The following CRADD variants were observed in gnomAD, a reference collection of about 807,000 sequenced individuals.
The protein encoded by CRADD is CARD and death domain containing adaptor protein, also known as death domain-containing protein CRADD.
A neutral mutation model predicts 15.5 loss-of-function variants in CRADD; 9 were observed. That is an observed-to-expected ratio of 0.58 (90% CI 0.35 to 1.01). The LOEUF (loss-of-function observed/expected upper bound fraction) is 1.01. Ranked by LOEUF, CRADD falls within the 50% of genes least tolerant of loss-of-function variation. The pLI is 0.02. For synonymous variants in CRADD, 118 were observed against 107.6 expected, an observed-to-expected ratio of 1.10 and a Z score of -0.60; for missense variants, 227 against 250.3, an observed-to-expected ratio of 0.91 and a Z score of 0.63.
chr12:93,698,121 G>T (rs756904874), intron 2 of CRADD, among the ~76,000 whole-genome samples: 4 of 152,170 alleles, frequency 2.6e-5, no homozygotes, highest in Admixed American at 6.5e-5. Context: ...CGGGAGAATT[G>T]TGGGAGCTGA....
At chr12:93,864,129 A>G (rs1295741192) in intron 2 of CRADD, among the ~76,000 whole-genome samples, 1 of 152,204 alleles carries the variant, frequency 6.6e-6, no homozygotes, top group Non-Finnish European at 1.5e-5. Flanking sequence ...GTCATAGCTT[A>G]CTATAGCCTC....
intron 2 of CRADD, chr12:93,709,063 A>G (rs1956010835): frequency 6.6e-6 from 1 of 152,264 alleles, no homozygotes. Flanking sequence ...AAAGTGGAGA[A>G]TAGATGATAT....
chr12:93,690,877 T>G (rs947713458), intron 2 of CRADD, among the ~76,000 whole-genome samples: 1 of 152,218 alleles, frequency 6.6e-6, no homozygotes, highest in African/African-American at 2.4e-5. Flanking sequence ...TTCTGACCCT[T>G]GCTTGCCTCA....
intron 2 of CRADD, among the ~76,000 whole-genome samples, chr12:93,863,323 C>T (rs892612845): frequency 6.6e-6 from 1 of 152,080 alleles, no homozygotes; most frequent in Non-Finnish European, 1.5e-5. Flanking sequence ...TCTGTCCCCA[C>T]GCTTGCCAGG....
At chr12:93,789,125 T>C (rs1957320833) in intron 2 of CRADD, among the ~76,000 whole-genome samples, 1 of 152,080 alleles carries the variant, frequency 6.6e-6, no homozygotes, top group Non-Finnish European at 1.5e-5. Flanking sequence ...TCCCACTTCC[T>C]ATGTTGACTG....
At chr12:93,813,256 A>G (rs974529122) in intron 2 of CRADD, among the ~76,000 whole-genome samples, 1 of 152,212 alleles carries the variant, frequency 6.6e-6, no homozygotes, top group Admixed American at 6.5e-5. Context: ...AAAACATCCA[A>G]ATTCAAAAAA....
At chr12:93,802,801 G>A (rs976050747) in intron 2 of CRADD, among the ~76,000 whole-genome samples, 2 of 152,176 alleles carry the variant, frequency 1.3e-5, no homozygotes, top group South Asian at 2.1e-4. Flanking sequence ...CTCAGTGTGA[G>A]CTCTGAATGC....
intron 2 of CRADD, among the ~76,000 whole-genome samples, chr12:93,884,704 C>T (rs1343498085): frequency 6.6e-6 from 1 of 152,184 alleles, no homozygotes; most frequent in Non-Finnish European, 1.5e-5. Flanking sequence ...TTCCTCTCCT[C>T]ACCCTTCTAT....
At chr12:93,816,654 CAT>C (rs1491587955) in intron 2 of CRADD, among the ~76,000 whole-genome samples, 18 of 152,296 alleles carry the variant, frequency 1.2e-4, no homozygotes, top group Admixed American at 9.2e-4. Flanking sequence ...AGTAGCCACA[CAT>C]GTCTAGTGGC....
chr12:93,702,550 G>T (rs1309858507), intron 2 of CRADD, among the ~76,000 whole-genome samples: 1 of 151,410 alleles, frequency 6.6e-6, no homozygotes, highest in African/African-American at 2.4e-5. Flanking sequence ...GAGGAACTGA[G>T]AATCCCAAAT....
chr12:93,751,038 A>G (rs140031606), intron 2 of CRADD, among the ~76,000 whole-genome samples: 241 of 152,344 alleles, frequency 1.6e-3, no homozygotes, highest in Non-Finnish European at 3.0e-3. Flanking sequence ...GCCTGTGTCT[A>G]CTATACTCTT....
exon 3 of CRADD, chr12:93,894,299 A>C (rs758084803): frequency 2.8e-4 from 166 of 603,082 alleles, no homozygotes; most frequent in Non-Finnish European, 3.3e-4. Context: ...TTATGTTGGC[A>C]TCTAGTGAGT....
intron 2 of CRADD, among the ~76,000 whole-genome samples, chr12:93,680,287 G>A (rs1326959951): frequency 6.6e-6 from 1 of 152,126 alleles, no homozygotes; most frequent in African/African-American, 2.4e-5. Flanking sequence ...AAGAGTGATA[G>A]AACTATTCCG....
chr12:93,750,562 A>G (rs956310826), intron 2 of CRADD, among the ~76,000 whole-genome samples: 1 of 152,182 alleles, frequency 6.6e-6, no homozygotes, highest in African/African-American at 2.4e-5. Flanking sequence ...ACATACAAAA[A>G]AACCTACATT....
In CRADD at chr12:93,686,280, A is replaced by G. The variant is rs369922473; in HGVS notation, c.298+7208A>G. On this transcript the variant is annotated intron_variant, in intron 2 of 2. Transcript: ENST00000332896. ...TGTGCCACTGCACTCCAGCCTGGGCAACAGAGTGAGACTCCATCCCCCCCA... is the reference window on the plus strand; with the variant it reads ...TGTGCCACTGCACTCCAGCCTGGGCGACAGAGTGAGACTCCATCCCCCCCA... Among the ~76,000 whole-genome samples the G allele has an allele frequency of 2.6e-4, 37 of 142,638 alleles. 2 individuals carry two copies. The highest frequency in any genetic ancestry group is 1.5e-3 in the Admixed American group (20 of 13,682). The allele number at this position is 142,638 out of a possible 152,430, so 93.6% of individuals were successfully genotyped here. A position where few individuals can be genotyped will look rare whatever the true frequency, so the allele number is the denominator to read the frequency against.
At chr12:93,886,009 A>C (rs1166404506) in intron 2 of CRADD, among the ~76,000 whole-genome samples, 2 of 152,094 alleles carry the variant, frequency 1.3e-5, no homozygotes, top group East Asian at 3.9e-4. Flanking sequence ...ATTACACTCC[A>C]GCCTGGGTGA....
chr12:93,838,591 T>G (rs1316997805), intron 2 of CRADD, among the ~76,000 whole-genome samples: 1 of 148,092 alleles, frequency 6.8e-6, no homozygotes, highest in African/African-American at 2.5e-5. Context: ...TTTGCGCTCA[T>G]CAGTTTATGG....
At chr12:93,781,434 A>C (rs373637920) in intron 2 of CRADD, among the ~76,000 whole-genome samples, 8 of 152,222 alleles carry the variant, frequency 5.3e-5, no homozygotes, top group African/African-American at 1.9e-4. Flanking sequence ...GAAAAGTTTT[A>C]AAAACCTACA....
chr12:93,779,875 C>T (rs1957184543), intron 2 of CRADD, among the ~76,000 whole-genome samples: 1 of 152,200 alleles, frequency 6.6e-6, no homozygotes, highest in African/African-American at 2.4e-5. Flanking sequence ...AGGCATGAGC[C>T]ACCGCGCCTG....
Sources: gnomAD v4.1 joint callset for allele counts (sites outside exome capture counted in the v4.1 genomes callset) on GRCh38, gnomAD v4.1.1 for gene constraint, MANE v1.5 for transcripts, NCBI Gene and HGNC (gene_info 2026-07-23, HGNC 2026-07-21) for gene names.